Variants in CXCL17 observed in about 807,000 individuals in gnomAD.
CXCL17 encodes C-X-C motif chemokine ligand 17, also known as C-X-C motif chemokine 17.
Under a neutral mutation model 15.5 loss-of-function variants are expected in CXCL17, and 9 were observed. That is an observed-to-expected ratio of 0.58 (90% CI 0.35 to 1.01). CXCL17 has a LOEUF of 1.01. CXCL17 is among the 50% of genes least tolerant of loss of function. The pLI is 0.02. For synonymous variants in CXCL17, 52 were observed against 52.3 expected (o/e 0.99, Z 0.02); for missense variants, 133 against 138.2 (o/e 0.96, Z 0.19).
chr19:42,435,620 A>G (rs1474362296), intron 1 of CXCL17, among the ~76,000 whole-genome samples: 1 of 152,098 alleles, frequency 6.6e-6, no homozygotes, highest in East Asian at 1.9e-4. Context: ...ATCACAGGTC[A>G]GGAGTTTGAG....
At chr19:42,441,565 G>T (rs1224683210) in intron 1 of CXCL17, among the ~76,000 whole-genome samples, 1 of 152,158 alleles carries the variant, frequency 6.6e-6, no homozygotes, top group Non-Finnish European at 1.5e-5. Context: ...CAGAACAGTG[G>T]TCTAGGCCCT....
intron 1 of CXCL17, among the ~76,000 whole-genome samples, chr19:42,436,286 G>T (rs938303092): frequency 3.3e-5 from 5 of 152,188 alleles, no homozygotes; most frequent in Non-Finnish European, 5.9e-5. Flanking sequence ...TTCCCCAAGG[G>T]CTGCTTTTCC....
At chr19:42,436,685 A>G (rs2040837677) in intron 1 of CXCL17, among the ~76,000 whole-genome samples, 1 of 152,240 alleles carries the variant, frequency 6.6e-6, no homozygotes, top group African/African-American at 2.4e-5. Context: ...TGTCATCTTC[A>G]TAACACATTT....
chr19:42,437,375 A>G (rs1022325741), intron 1 of CXCL17, among the ~76,000 whole-genome samples: 6 of 152,256 alleles, frequency 3.9e-5, no homozygotes, highest in Non-Finnish European at 7.3e-5. Flanking sequence ...ATATTAAAGT[A>G]AAAAGAAGCT....
At chr19:42,438,382 ATAT>A (rs1250500026) in intron 1 of CXCL17, among the ~76,000 whole-genome samples, 47 of 50,092 alleles carry the variant, frequency 9.4e-4, no homozygotes, top group African/African-American at 1.8e-3. Flanking sequence ...AAAAAAAAAA[ATAT>A]ATATATATAT....
chr19:42,431,189 C>T (rs2040776879), intron 3 of CXCL17, among the ~76,000 whole-genome samples: 1 of 152,184 alleles, frequency 6.6e-6, no homozygotes, highest in Admixed American at 6.5e-5. Flanking sequence ...GGTTGAGTGC[C>T]ATTGCATCTG....
chr19:42,440,231 A>C (rs2040878464), intron 1 of CXCL17, among the ~76,000 whole-genome samples: 2 of 152,052 alleles, frequency 1.3e-5, no homozygotes, highest in African/African-American at 4.8e-5. Flanking sequence ...ATAATTAATG[A>C]ATAATCTGTT....
chr19:42,442,743 G>A lies in CXCL17; in HGVS notation c.79+11C>T. 3 of 1,601,736 alleles carry A rather than the reference G, an allele frequency of 1.9e-6. No homozygotes were observed. Among genetic ancestry groups the A allele is most frequent in the South Asian group, 1.1e-5 (1 of 90,782 alleles). On this transcript the variant is annotated intron_variant, in intron 1 of 3. Coordinates refer to ENST00000601181, the MANE Select transcript of CXCL17 (RefSeq NM_198477.3). ...CCCCCCGTTTTCCCCTTCATAGACAGTCTTGTTTACCTGGATTCAGGCTGC... is the reference window on the plus strand; with the variant it reads ...CCCCCCGTTTTCCCCTTCATAGACAATCTTGTTTACCTGGATTCAGGCTGC...
chr19:42,438,382 AT>A (rs1490525142), intron 1 of CXCL17, among the ~76,000 whole-genome samples: 2,949 of 49,876 alleles, frequency 0.059, 174 homozygotes, highest in East Asian at 0.12. Context: ...AAAAAAAAAA[AT>A]ATATATATAT....
In CXCL17 at chr19:42,433,040, T is replaced by C. The variant is rs753450434; in HGVS notation, c.198A>G (p.Thr66=). The change falls in exon 3 of 4, where the codon ACA becomes ACG. Residue 66 remains threonine (T), a synonymous_variant. Transcript: ENST00000601181. ...ACTGCTTCTTTGGCAGCCCAGACAC[T>C]GTCATGAATTTTCTTCTCGGGGCTC... ...FLRAPRRKFM[T]VSGLPKKQCP... is the part of the protein sequence containing the mutation. 4.3e-6 allele frequency: 7 copies of C among 1,613,888 alleles called. No homozygotes were observed. In the African/African-American group the frequency reaches 8.0e-5, roughly 18 times the overall value.
At chr19:42,433,683 T>G in intron 2 of CXCL17, 93 bp downstream of exon 2, 17 of 1,050,356 alleles carry the variant, frequency 1.6e-5, no homozygotes, top group Non-Finnish European at 2.2e-5. Flanking sequence ...TGAGGTCAGC[T>G]GAGATAACAT....
chr19:42,431,051 G>T (rs537635113), intron 3 of CXCL17, among the ~76,000 whole-genome samples: 1 of 152,318 alleles, frequency 6.6e-6, no homozygotes, highest in South Asian at 2.1e-4. Flanking sequence ...TGTTGGCCAG[G>T]CTGGTCTCGA....
In CXCL17 at chr19:42,428,680, C is replaced by T. The variant is rs933038799; in HGVS notation, c.*204G>A. 8.0e-6 allele frequency: 4 copies of T among 497,762 alleles called. No individual in the cohort carries two copies. Among genetic ancestry groups the T allele is most frequent in the Non-Finnish European group, 1.4e-5 (4 of 279,382 alleles). The allele number at this position is 497,762 out of a possible 1,614,324, so 30.8% of individuals were successfully genotyped here. ...CCTAAGCCTGGGTAAGGGGAGGGCA[C>T]AGGCTAAGACTGACGAGAGAAGAAG... is the stretch of plus-strand genomic sequence containing the variant. On this transcript the variant is annotated 3_prime_UTR_variant, in exon 4 of 4. Transcript: ENST00000601181.
chr19:42,438,375 A>AAT (rs2040854309), intron 1 of CXCL17, among the ~76,000 whole-genome samples: 1 of 104,034 alleles, frequency 9.6e-6, no homozygotes, highest in African/African-American at 4.9e-5. Flanking sequence ...AAAAAAAAAA[A>AAT]AAAAAAATAT....
At chr19:42,436,998 T>G (rs952615355) in intron 1 of CXCL17, among the ~76,000 whole-genome samples, 12 of 152,088 alleles carry the variant, frequency 7.9e-5, no homozygotes, top group African/African-American at 2.7e-4. Context: ...AGTGCAGTGT[T>G]GTGATCTCGG....
intron 1 of CXCL17, among the ~76,000 whole-genome samples, chr19:42,438,381 A>AAAAAAATAT (rs1555793041): frequency 1.4e-4 from 9 of 63,844 alleles, no homozygotes; most frequent in African/African-American, 6.8e-4. Flanking sequence ...AAAAAAAAAA[A>AAAAAAATAT]ATATATATAT....
intron 1 of CXCL17, 32 bp downstream of exon 1, chr19:42,442,722 C>G (rs778184132): frequency 4.6e-6 from 7 of 1,535,208 alleles, no homozygotes; most frequent in Middle Eastern, 2.2e-4. Flanking sequence ...ATTTCTCCCC[C>G]CGTTTTCCCC....
rs1190280727 is a variant in CXCL17 at position 42,433,005 on chromosome 19, T to C, written c.233A>G (p.Asp78Gly). 1 of 1,614,060 alleles carries C rather than the reference T, an allele frequency of 6.2e-7. No individual in the cohort carries two copies. Among genetic ancestry groups the C allele is most frequent in the East Asian group, 2.2e-5 (1 of 44,904 alleles). ...SGLPKKQCPC[D>G]HFKGNVKKTR... is the part of the protein sequence containing the mutation. ...TTTCTTCACATTGCCCTTGAAATGA[T>C]CACAGGGGCACTGCTTCTTTGGCAG... The change falls in exon 3 of 4, where the codon GAT (aspartate) becomes GGT (glycine). Residue 78 changes from aspartate (D) to glycine (G), a missense_variant. Asp to Gly is a moderately conservative substitution (Grantham distance 94). Transcript: ENST00000601181.
chr19:42,438,469 G>GTC (rs531930869), intron 1 of CXCL17, among the ~76,000 whole-genome samples: 48 of 142,398 alleles, frequency 3.4e-4, no homozygotes, highest in African/African-American at 9.0e-4. Context: ...CGTGAATGTG[G>GTC]TCTCTCTCTC....
Sources: allele counts gnomAD v4.1 joint callset (sites outside exome capture counted in the v4.1 genomes callset), GRCh38; gene constraint gnomAD v4.1.1; transcripts MANE v1.5; gene names NCBI Gene and HGNC (gene_info 2026-07-23, HGNC 2026-07-21).